The following IGSF11 variants were observed in gnomAD, a reference collection of about 807,000 sequenced individuals.
The protein encoded by IGSF11 is immunoglobulin superfamily member 11, also known as CXADR like 1.
Under a neutral mutation model 41.0 loss-of-function variants are expected in IGSF11, and 22 were observed. The ratio of observed to expected loss-of-function variants is 0.54; its 90% confidence interval spans 0.38 to 0.77. IGSF11 has a LOEUF of 0.77. Ranked by LOEUF, IGSF11 falls within the 30% of genes least tolerant of loss-of-function variation. The pLI is 0.00. For missense variants in IGSF11, 444 were observed against 530.8 expected (o/e 0.84, Z 1.61); for synonymous variants, 219 against 201.3 (o/e 1.09, Z -0.74).
intron 1 of IGSF11, among the ~76,000 whole-genome samples, chr3:118,945,578 A>G (rs1576445167): frequency 1.3e-5 from 2 of 152,324 alleles, no homozygotes; most frequent in East Asian, 3.9e-4. Context: ...TGCCGGAAGA[A>G]TAAGCAAGGA....
chr3:118,989,216 T>C (rs1278561178), intron 1 of IGSF11, among the ~76,000 whole-genome samples: 1 of 152,206 alleles, frequency 6.6e-6, no homozygotes, highest in Admixed American at 6.5e-5. Flanking sequence ...GACTGTAAAA[T>C]TGTTTGATAA....
At chr3:119,012,952 G>C (rs1337754997) in intron 1 of IGSF11, 1 of 152,292 alleles carries the variant, frequency 6.6e-6, no homozygotes, top group Non-Finnish European at 1.5e-5. Context: ...AATATCTGGT[G>C]CTTGCCTATC....
chr3:119,030,498 T>C (rs1455736273), intron 1 of IGSF11, among the ~76,000 whole-genome samples: 1 of 152,212 alleles, frequency 6.6e-6, no homozygotes, highest in Non-Finnish European at 1.5e-5. Context: ...GTCTTTTTCT[T>C]GGGTGGCAGA....
chr3:119,073,233 C>T (rs1374704483), intron 1 of IGSF11, among the ~76,000 whole-genome samples: 3 of 152,200 alleles, frequency 2.0e-5, no homozygotes, highest in Non-Finnish European at 2.9e-5. Flanking sequence ...CATTCACAAA[C>T]CTTGAGCTAG....
chr3:119,045,342 G>T (rs1393475757), intron 1 of IGSF11, among the ~76,000 whole-genome samples: 4 of 152,234 alleles, frequency 2.6e-5, no homozygotes, highest in Non-Finnish European at 5.9e-5. Context: ...GAAGCGCAAG[G>T]GGTCAGGGAG....
intron 1 of IGSF11, among the ~76,000 whole-genome samples, chr3:118,995,297 A>G (rs1936159868): frequency 6.6e-6 from 1 of 152,182 alleles, no homozygotes. Flanking sequence ...AGACGAAAGA[A>G]AGCAAAAAGC....
intron 1 of IGSF11, among the ~76,000 whole-genome samples, chr3:119,056,884 T>C (rs1275528308): frequency 6.6e-6 from 1 of 152,206 alleles, no homozygotes; most frequent in Non-Finnish European, 1.5e-5. Context: ...CATGATTATC[T>C]CAATAGATGC....
chr3:119,131,311 A>G (rs986845652), intron 1 of IGSF11, among the ~76,000 whole-genome samples: 2 of 152,194 alleles, frequency 1.3e-5, no homozygotes, highest in Non-Finnish European at 2.9e-5. Context: ...CTTGAAAAAA[A>G]GGTTAGATGA....
chr3:118,980,047 T>C (rs925584586), intron 1 of IGSF11, among the ~76,000 whole-genome samples: 23 of 152,130 alleles, frequency 1.5e-4, no homozygotes, highest in Middle Eastern at 3.4e-3. Flanking sequence ...AAAAGGGAAC[T>C]CTCACACTGT....
At chr3:119,128,566 C>T (rs1454921684) in intron 1 of IGSF11, among the ~76,000 whole-genome samples, 1 of 150,064 alleles carries the variant, frequency 6.7e-6, no homozygotes, top group Non-Finnish European at 1.5e-5. Flanking sequence ...ATTTGCCAAA[C>T]AAATAAAAAG....
intron 1 of IGSF11, chr3:118,944,969 G>A (rs1944004978): frequency 6.6e-6 from 1 of 152,144 alleles, no homozygotes; most frequent in African/African-American, 2.4e-5. Context: ...ATGCTGAAAA[G>A]AGCACAGGAC....
At chr3:119,108,046 G>A (rs907737792), upstream of IGSF11, among the ~76,000 whole-genome samples, 25 of 151,576 alleles carry the variant, frequency 1.6e-4, no homozygotes, top group African/African-American at 5.8e-4. Context: ...TATTCTTTTG[G>A]CTTAGGATTG....
At chr3:119,143,181 G>T (rs1012321996) in intron 1 of IGSF11, among the ~76,000 whole-genome samples, 19 of 152,122 alleles carry the variant, frequency 1.2e-4, no homozygotes, top group Admixed American at 1.2e-3. Context: ...CTATATAGGT[G>T]ATTTAATAGC....
upstream of IGSF11, among the ~76,000 whole-genome samples, chr3:119,109,657 G>C (rs949129709): frequency 1.6e-4 from 25 of 152,096 alleles, no homozygotes; most frequent in African/African-American, 5.1e-4. Context: ...GCTCTTGCTT[G>C]TCTAGTTCTT....
intron 1 of IGSF11, among the ~76,000 whole-genome samples, chr3:118,932,799 A>G (rs1395664679): frequency 1.3e-5 from 2 of 152,236 alleles, no homozygotes; most frequent in Non-Finnish European, 2.9e-5. Context: ...TGCCTTCTTG[A>G]GACAATACTT....
intron 1 of IGSF11, among the ~76,000 whole-genome samples, chr3:119,122,372 G>A (rs1347299948): frequency 6.6e-6 from 1 of 152,246 alleles, no homozygotes; most frequent in Admixed American, 6.5e-5. Context: ...GCCCTAGCCA[G>A]AGGGAAATTG....
chr3:118,905,615 C>G lies in IGSF11; in HGVS notation c.684G>C (p.Leu228=), dbSNP rs1939491689. ...SNAIGTSTCL[L]DLQVISPQPR... ...GCTTACGTGAAATAACCTGGAGATC[C>G]AGAAGACAGGTGCTGGTTCCAATAG... Residue 228 remains leucine, a synonymous_variant, in exon 5 of 7, where the codon CTG becomes CTC. Transcript: ENST00000393775. 6.2e-7 allele frequency: 1 copy of G among 1,613,780 alleles called. No individual in the cohort carries two copies. Among genetic ancestry groups the G allele is most frequent in the Non-Finnish European group, 8.5e-7 (1 of 1,179,794 alleles).
rs76224846 is a variant in IGSF11 at position 119,063,847 on chromosome 3, A to G, written c.49+41297T>C. 2.2e-3 allele frequency among the ~76,000 whole-genome samples: 338 copies of G among 152,372 alleles called. 1 individual carries two copies. The highest frequency in any genetic ancestry group is 7.9e-3 in the African/African-American group (328 of 41,586). On this transcript the variant is annotated intron_variant, in intron 1 of 6. Transcript: ENST00000354673. ...ACCAAGAGAGAGAAGGAAAGAGGCC[A>G]GGAAGTCAAATGTGAGTGTCTTCAC... is the stretch of plus-strand genomic sequence containing the variant.
chr3:118,944,526 C>T (rs1943969973), intron 1 of IGSF11, among the ~76,000 whole-genome samples: 1 of 150,732 alleles, frequency 6.6e-6, no homozygotes, highest in African/African-American at 2.4e-5. Context: ...TCATTTCTAC[C>T]CATCCTTCAG....
Sources: allele counts gnomAD v4.1 joint callset (sites outside exome capture counted in the v4.1 genomes callset), GRCh38; gene constraint gnomAD v4.1.1; transcripts MANE v1.5; gene names NCBI Gene and HGNC (gene_info 2026-07-23, HGNC 2026-07-21).